The following FAM83D variants were observed in gnomAD, a reference collection of about 807,000 sequenced individuals.
FAM83D encodes scaffolding CK1 anchoring protein D, also known as protein FAM83D.
In FAM83D, 26 loss-of-function variants were observed where a neutral mutation model predicts 25.4. The ratio of observed to expected loss-of-function variants is 1.02; its 90% CI spans 0.75 to 1.42. The LOEUF (loss-of-function observed/expected upper bound fraction) is 1.42, where lower values mean the gene tolerates loss of function less well. Among genes scored for constraint, FAM83D ranks in the 40% most tolerant of loss-of-function variants. The pLI, the probability that FAM83D is intolerant of heterozygous loss-of-function variation, is 0.00. For synonymous variants in FAM83D, 310 were observed against 318.5 expected (o/e 0.97, Z 0.28); for missense variants, 740 against 758.1 (o/e 0.98, Z 0.28).
chr20:38,951,622 TC>T lies in FAM83D; in HGVS notation c.862del (p.Arg288GlufsTer115). ...GQVVEHFDLE[F>X]RILYAQSKPI... ...GTGGTTGAACACTTTGATCTGGAGTTCCGAATCCTGTATGCCCAGTCCAAGC... is the reference window on the plus strand; with the variant it reads ...GTGGTTGAACACTTTGATCTGGAGTTCGAATCCTGTATGCCCAGTCCAAGC... On this transcript the variant is annotated frameshift_variant, in exon 4 of 4. Transcript: ENST00000619850. LOFTEE classifies it low-confidence loss of function (END_TRUNC). 23 of 1,614,176 alleles carry T rather than the reference TC, an allele frequency of 1.4e-5. No individual in the cohort carries two copies. Among genetic ancestry groups the T allele is most frequent in the Non-Finnish European group, 1.9e-5 (23 of 1,180,026 alleles).
chr20:38,952,141 A>G lies in FAM83D; in HGVS notation c.1379A>G (p.Glu460Gly), dbSNP rs1258362960. 6.2e-7 allele frequency: 1 copy of G among 1,614,150 alleles called. No individual in the cohort carries two copies. The highest frequency in any genetic ancestry group is 8.5e-7 in the Non-Finnish European group (1 of 1,180,030). The change falls in exon 4 of 4, where the codon GAA becomes GGA. Residue 460 changes from glutamate (E) to glycine (G), a missense_variant. Coordinates refer to ENST00000619850, the MANE Select transcript of FAM83D (RefSeq NM_030919.3). The stretch of plus-strand genomic sequence containing the variant: ...TTTCCTCGAGGAACTCAATCTACAG[A>G]AGGGTCACCAGTCTCAAAAATGTCT... ...ILFPRGTQST[E>G]GSPVSKMSVS...
rs565522235 is a variant in FAM83D at position 38,947,817 on chromosome 20, C to T, written c.652-59C>T. Reference sequence around the variant, plus strand: ...TAAGGCTTTTTGTCCTAACCATTTGCTCAGCAGATGAGTATTGCTGAATTG... The same window carrying T: ...TAAGGCTTTTTGTCCTAACCATTTGTTCAGCAGATGAGTATTGCTGAATTG... On this transcript the variant is annotated intron_variant, in intron 2 of 3. Coordinates refer to ENST00000619850, the MANE Select transcript of FAM83D (RefSeq NM_030919.3). 56 of 1,582,090 alleles carry T rather than the reference C, an allele frequency of 3.5e-5. No homozygotes were observed. In the South Asian group the frequency reaches 5.7e-4, roughly 16 times the overall value.
At position 38,951,708 on chromosome 20, in the gene FAM83D, A is replaced by G; in HGVS notation, c.946A>G (p.Asn316Asp). Residue 316 changes from asparagine (N) to aspartate (D), a missense_variant, in exon 4 of 4, where the codon AAC (asparagine) becomes GAC (aspartate). Physicochemically the swap from Asn to Asp is conservative, Grantham distance 23 (BLOSUM62 1). Coordinates refer to ENST00000619850, the MANE Select transcript of FAM83D (RefSeq NM_030919.3). Reference protein sequence around the residue: ...QSSNKFDHLTNRKPQSKELTL... With the variant: ...QSSNKFDHLTDRKPQSKELTL... ...CAGCAACAAGTTTGATCACCTCACCAACCGAAAACCACAGTCCAAGGAGCT... is the reference window on the plus strand; with the variant it reads ...CAGCAACAAGTTTGATCACCTCACCGACCGAAAACCACAGTCCAAGGAGCT... 9 of 1,614,130 alleles carry G rather than the reference A, an allele frequency of 5.6e-6. No individual in the cohort carries two copies. Among genetic ancestry groups the G allele is most frequent in the Non-Finnish European group, 7.6e-6 (9 of 1,180,012 alleles).
chr20:38,940,204 T>C (rs1294602230), intron 1 of FAM83D, among the ~76,000 whole-genome samples: 1 of 152,126 alleles, frequency 6.6e-6, no homozygotes, highest in Non-Finnish European at 1.5e-5. Flanking sequence ...AGCCCACAGC[T>C]TAGACCATCA....
Position 38,926,573 on chromosome 20 carries a change from C to G in FAM83D, c.131C>G (p.Pro44Arg). The change falls in exon 1 of 4, where the codon CCC becomes CGC. Residue 44 changes from proline (P) to arginine (R), a missense_variant. Pro to Arg is a moderately radical substitution (Grantham distance 103). Around this residue, in one of 3 missense-constraint regions of FAM83D, gnomAD observed 333 missense variants for 298.6 expected, o/e 1.12. Coordinates refer to ENST00000619850, the MANE Select transcript of FAM83D (RefSeq NM_030919.3). ...CTGGAGGAGCTGGTGGCGGGCGGCC[C>G]CGAAGCCTTCGCGGCCTTCCTGCGA... ...LALEELVAGGPEAFAAFLRRE... is the reference protein window; with the variant it reads ...LALEELVAGGREAFAAFLRRE... The G allele has an allele frequency of 1.3e-6, 2 of 1,560,566 alleles. No individual in the cohort carries two copies. Among genetic ancestry groups the G allele is most frequent in the Non-Finnish European group, 1.7e-6 (2 of 1,160,172 alleles).
chr20:38,950,649 T>C (rs1227074527), intron 3 of FAM83D, among the ~76,000 whole-genome samples: 1 of 152,064 alleles, frequency 6.6e-6, no homozygotes, highest in East Asian at 1.9e-4. Flanking sequence ...TAGCAATTCA[T>C]AGGGCCTAGG....
intron 1 of FAM83D, among the ~76,000 whole-genome samples, chr20:38,934,373 A>C (rs550963037): frequency 1.5e-4 from 23 of 151,984 alleles, no homozygotes; most frequent in Non-Finnish European, 2.2e-4. Flanking sequence ...CATGCCTGTA[A>C]TCCTGGCTAC....
rs1180361792 is a variant in FAM83D at position 38,952,189 on chromosome 20, A to G, written c.1427A>G (p.Lys476Arg). 6.2e-7 allele frequency: 1 copy of G among 1,614,180 alleles called. No homozygotes were observed. Among genetic ancestry groups the G allele is most frequent in the South Asian group, 1.1e-5 (1 of 91,076 alleles). ...TCTGTATCGAGATCTTCCAGTTTGAAGTCTTCCTCCTCTGTGTCTTCCCAA... is the reference window on the plus strand; with the variant it reads ...TCTGTATCGAGATCTTCCAGTTTGAGGTCTTCCTCCTCTGTGTCTTCCCAA... The part of the protein sequence containing the change: ...KMSVSRSSSL[K>R]SSSSVSSQGS... The change falls in exon 4 of 4, where the codon AAG becomes AGG. Residue 476 changes from lysine (K) to arginine (R), a missense_variant. By Grantham distance (26) the Lys-to-Arg change is conservative (BLOSUM62 2). This residue lies in a region of FAM83D where 375 missense variants were observed against 403.2 expected (regional missense o/e 0.93). Transcript: ENST00000619850.
chr20:38,939,224 C>A (rs1266681499), intron 1 of FAM83D, among the ~76,000 whole-genome samples: 5 of 152,234 alleles, frequency 3.3e-5, no homozygotes, highest in African/African-American at 1.2e-4. Flanking sequence ...CAAATTTTGT[C>A]CTTGTGCTTC....
Position 38,926,791 on chromosome 20 carries a change from T to G in FAM83D, c.349T>G (p.Trp117Gly), listed in dbSNP as rs2145797517. The G allele has an allele frequency of 6.5e-7, 1 of 1,545,512 alleles. No homozygotes were observed. ...GGAGCCACCGCTGTTGGAGCTTGGC[T>G]GGCCCGCCTTCTACCAGGGCGCCTA... ...DLEPPLLELG[W>G]PAFYQGAYRG... Residue 117 changes from tryptophan to glycine, a missense_variant, in exon 1 of 4, where the codon TGG becomes GGG. Physicochemically the swap from Trp to Gly is radical, Grantham distance 184. Coordinates refer to ENST00000619850, the MANE Select transcript of FAM83D (RefSeq NM_030919.3).
At chr20:38,949,188 G>A (rs1161759373) in intron 3 of FAM83D, among the ~76,000 whole-genome samples, 1 of 146,512 alleles carries the variant, frequency 6.8e-6, no homozygotes. Context: ...TCGTGATGGA[G>A]TCTTGCTCTG....
Position 38,942,025 on chromosome 20 carries a change from A to C in FAM83D, c.550A>C (p.Arg184=), listed in dbSNP as rs1003737367. The C allele has an allele frequency of 3.1e-6, 5 of 1,614,252 alleles. No homozygotes were observed. Among genetic ancestry groups the C allele is most frequent in the Non-Finnish European group, 4.2e-6 (5 of 1,180,032 alleles). The change falls in exon 2 of 4, where the codon AGG becomes CGG. Residue 184 remains arginine, a synonymous_variant. Transcript: ENST00000619850. Reference sequence around the variant, plus strand: ...CTTCAGAGACCTGCAAGAAATATGCAGGAAACAGGGAGTTGCTGTGTATAT... The same window carrying C: ...CTTCAGAGACCTGCAAGAAATATGCCGGAAACAGGGAGTTGCTGTGTATAT... The part of the protein sequence containing the change: ...DIFRDLQEIC[R]KQGVAVYILL...
rs768578741 is a variant in FAM83D at position 38,951,951 on chromosome 20, G to A, written c.1189G>A (p.Glu397Lys). The change falls in exon 4 of 4, where the codon GAG becomes AAG. Residue 397 changes from glutamate to lysine, a missense_variant. Glu to Lys is a moderately conservative substitution (Grantham distance 56). Around this residue, in one of 3 missense-constraint regions of FAM83D, gnomAD observed 375 missense variants for 403.2 expected, o/e 0.93. Coordinates refer to ENST00000619850, the MANE Select transcript of FAM83D (RefSeq NM_030919.3). ...IDAATQTEPG[E>K]EMPGLSVSEV... ...CGCTGCCACTCAAACAGAGCCAGGA[G>A]AGGAGATGCCAGGGCTGAGTGTGAG... 49 of 1,614,070 alleles carry A rather than the reference G, an allele frequency of 3.0e-5. No individual in the cohort carries two copies. The highest frequency in any genetic ancestry group is 3.9e-5 in the Non-Finnish European group (46 of 1,180,048).
intron 1 of FAM83D, among the ~76,000 whole-genome samples, chr20:38,940,229 G>C (rs1568697444): frequency 6.6e-6 from 1 of 152,128 alleles, no homozygotes; most frequent in Non-Finnish European, 1.5e-5. Flanking sequence ...AAGGGGTGGG[G>C]TGGGAAAGGC....
chr20:38,942,326 GA>G (rs1056861408), intron 2 of FAM83D, among the ~76,000 whole-genome samples, 200 bp downstream of exon 2: 2 of 152,172 alleles, frequency 1.3e-5, no homozygotes, highest in African/African-American at 4.8e-5. Flanking sequence ...CAAGAGAAAT[GA>G]AAATATGGGC....
In FAM83D at chr20:38,952,154, C is replaced by T. The variant is rs768364033; in HGVS notation, c.1392C>T (p.Val464=). ...CTCAATCTACAGAAGGGTCACCAGT[C>T]TCAAAAATGTCTGTATCGAGATCTT... ...RGTQSTEGSP[V]SKMSVSRSSS... The change falls in exon 4 of 4, where the codon GTC becomes GTT. Residue 464 remains valine (V), a synonymous_variant. Transcript: ENST00000619850. 6.2e-7 allele frequency: 1 copy of T among 1,614,192 alleles called. No individual in the cohort carries two copies. Among genetic ancestry groups the T allele is most frequent in the Admixed American group, 1.7e-5 (1 of 60,028 alleles).
chr20:38,948,945 C>CT (rs1291528610), intron 3 of FAM83D, among the ~76,000 whole-genome samples: 1 of 152,140 alleles, frequency 6.6e-6, no homozygotes, highest in Non-Finnish European at 1.5e-5. Context: ...TTGGAATTTC[C>CT]TTTTGTAAGA....
At chr20:38,941,204 A>T (rs1447565230) in intron 1 of FAM83D, among the ~76,000 whole-genome samples, 1 of 152,082 alleles carries the variant, frequency 6.6e-6, no homozygotes, top group Non-Finnish European at 1.5e-5. Flanking sequence ...TGCAGAGAGA[A>T]CCTTTTACTG....
intron 3 of FAM83D, 82 bp from the exon 4 acceptor site, chr20:38,951,457 A>G (rs1387241864): frequency 1.2e-5 from 18 of 1,464,422 alleles, no homozygotes; most frequent in Admixed American, 6.6e-5. Context: ...AGATACCTGT[A>G]CTATATTATT....
Sources: allele counts gnomAD v4.1 joint callset (sites outside exome capture counted in the v4.1 genomes callset), GRCh38; gene constraint gnomAD v4.1.1; regional missense constraint gnomAD v4.1.1; transcripts MANE v1.5; gene names NCBI Gene and HGNC (gene_info 2026-07-23, HGNC 2026-07-21).